The following FAF2 variants were observed in gnomAD, a reference collection of about 807,000 sequenced individuals.
FAF2 encodes Fas associated factor family member 2.
Under a neutral mutation model 62.3 loss-of-function variants are expected in FAF2, and 9 were observed. The ratio of observed to expected loss-of-function variants is 0.14; its 90% CI spans 0.09 to 0.25. FAF2 has a LOEUF of 0.25. Among genes scored for constraint, FAF2 ranks in the 10% least tolerant of loss-of-function variants. The pLI is 1.00. For synonymous variants in FAF2, 202 were observed against 198.0 expected, an observed-to-expected ratio of 1.02 and a Z score of -0.17; for missense variants, 368 against 556.2, an observed-to-expected ratio of 0.66 and a Z score of 3.40.
Position 176,494,388 on chromosome 5 carries a change from G to C in FAF2, c.661+113G>C, listed in dbSNP as rs553596428. ...GTGTTTGTTCTGTGGTAGATACGAC[G>C]CTAGTTGCTATTTTATATTGTCTCA... On this transcript the variant is annotated intron_variant, in intron 7 of 10. Coordinates refer to ENST00000261942, the MANE Select transcript of FAF2 (RefSeq NM_014613.3). This position sits in a 1 kb window ranked among gnomAD's most constrained non-coding sequence, Gnocchi z 4.0. 24 of 842,886 alleles carry C rather than the reference G, an allele frequency of 2.8e-5. No individual in the cohort carries two copies. The highest frequency in any genetic ancestry group is 4.6e-5 in the Non-Finnish European group (23 of 498,670). 52.2% of individuals were successfully genotyped at this position (842,886 alleles called of 1,614,324 possible).
intron 1 of FAF2, among the ~76,000 whole-genome samples, chr5:176,465,302 G>A (rs868058310): frequency 3.3e-5 from 5 of 151,676 alleles, no homozygotes; most frequent in African/African-American, 7.3e-5. Context: ...TTTTATATAC[G>A]TCTGTGGGCT....
chr5:176,467,504 T>A (rs1758491249), intron 1 of FAF2, among the ~76,000 whole-genome samples: 1 of 152,118 alleles, frequency 6.6e-6, no homozygotes, highest in Non-Finnish European at 1.5e-5. Context: ...GCTAACTTTT[T>A]TGTATTTATA....
chr5:176,472,515 C>T (rs1488786572), intron 1 of FAF2, among the ~76,000 whole-genome samples: 5 of 151,672 alleles, frequency 3.3e-5, no homozygotes, highest in Non-Finnish European at 5.9e-5. Context: ...ACTTCTGGGC[C>T]CAAGTGATCC....
In FAF2 at chr5:176,485,145, C is replaced by T. The variant is rs114522096; in HGVS notation, c.133-1210C>T. Among the ~76,000 whole-genome samples, 961 of 152,224 alleles carry T rather than the reference C, an allele frequency of 6.3e-3. 13 individuals carry two copies. Among genetic ancestry groups the T allele is most frequent in the African/African-American group, 0.022 (903 of 41,532 alleles). On this transcript the variant is annotated intron_variant, in intron 2 of 10. Coordinates refer to ENST00000261942, the MANE Select transcript of FAF2 (RefSeq NM_014613.3). ...AGCTTCCAATGACAGCATTCAAGTT[C>T]GGTACTATACATGGTTTCAGGAATC...
chr5:176,459,250 CTTTTTTTTTT>C (rs11386560), intron 1 of FAF2, among the ~76,000 whole-genome samples: 2 of 116,422 alleles, frequency 1.7e-5, no homozygotes, highest in African/African-American at 6.7e-5. Flanking sequence ...TCCAGTTAAC[CTTTTTTTTTT>C]TTTTTTTTTT....
At chr5:176,478,518 G>A (rs1186338294) in intron 1 of FAF2, among the ~76,000 whole-genome samples, 1 of 152,024 alleles carries the variant, frequency 6.6e-6, no homozygotes, top group African/African-American at 2.4e-5. Context: ...CGGTATGTTA[G>A]GTTTTACACA....
At chr5:176,491,871 C>G (rs1381920203) in intron 4 of FAF2, among the ~76,000 whole-genome samples, 2 of 152,194 alleles carry the variant, frequency 1.3e-5, no homozygotes, top group Non-Finnish European at 1.5e-5. Context: ...GACACATGAT[C>G]TTTTTGGATA....
intron 2 of FAF2, among the ~76,000 whole-genome samples, chr5:176,483,942 G>T (rs1478550541): frequency 6.6e-6 from 1 of 152,106 alleles, no homozygotes; most frequent in Non-Finnish European, 1.5e-5. Context: ...GTGTGTGGCG[G>T]TGCGTGCCTG....
intron 1 of FAF2, 95 bp downstream of exon 1, chr5:176,448,565 C>A: frequency 8.0e-7 from 1 of 1,242,624 alleles, no homozygotes; most frequent in Non-Finnish European, 1.1e-6. Context: ...GGTTCAGATC[C>A]TTCTCAGACC....
chr5:176,495,479 T>TA (rs1255093905), intron 7 of FAF2, among the ~76,000 whole-genome samples: 1 of 151,582 alleles, frequency 6.6e-6, no homozygotes, highest in Admixed American at 6.6e-5. Context: ...AAAACTCTGT[T>TA]ATGGTAAAAA....
intron 1 of FAF2, among the ~76,000 whole-genome samples, chr5:176,450,111 C>T (rs763977097): frequency 6.6e-6 from 1 of 152,176 alleles, no homozygotes. Flanking sequence ...GGCGAGTTCT[C>T]ACTTTTTTGC....
chr5:176,463,761 G>A (rs1758420734), intron 1 of FAF2, among the ~76,000 whole-genome samples: 1 of 139,002 alleles, frequency 7.2e-6, no homozygotes, highest in Non-Finnish European at 1.5e-5. Flanking sequence ...ACAGAGTCTT[G>A]CTGTGTTTCC....
intron 1 of FAF2, among the ~76,000 whole-genome samples, chr5:176,461,477 T>A (rs1758377050): frequency 6.6e-6 from 1 of 150,406 alleles, no homozygotes; most frequent in Non-Finnish European, 1.5e-5. Flanking sequence ...ACCACCACAC[T>A]GGGCTAATTT....
At chr5:176,471,799 C>T (rs1163705467) in intron 1 of FAF2, among the ~76,000 whole-genome samples, 1 of 151,602 alleles carries the variant, frequency 6.6e-6, no homozygotes, top group Non-Finnish European at 1.5e-5. Context: ...AAGCAGTTTT[C>T]CTGCCTCAGC....
chr5:176,458,442 C>T (rs1180353070), intron 1 of FAF2, among the ~76,000 whole-genome samples: 1 of 88,476 alleles, frequency 1.1e-5, no homozygotes, highest in Admixed American at 1.8e-4. Context: ...CGGAGTCTCA[C>T]TCTCTCACCC....
intron 2 of FAF2, among the ~76,000 whole-genome samples, chr5:176,481,669 GGAGA>G (rs1287695061): frequency 2.0e-5 from 3 of 151,442 alleles, no homozygotes; most frequent in African/African-American, 4.8e-5. Flanking sequence ...AAAAAAAAAG[GGAGA>G]GAGAGAGACA....
intron 4 of FAF2, 118 bp from the exon 5 acceptor site, chr5:176,492,076 G>C (rs1203601754): frequency 1.7e-6 from 2 of 1,161,528 alleles, no homozygotes; most frequent in Admixed American, 1.8e-5. Flanking sequence ...CTCACAGACT[G>C]TTCACCTCCC....
At chr5:176,487,228 A>G (rs1758887819) in intron 3 of FAF2, among the ~76,000 whole-genome samples, 1 of 152,200 alleles carries the variant, frequency 6.6e-6, no homozygotes, top group Non-Finnish European at 1.5e-5. Flanking sequence ...TCTGTCGCCC[A>G]GCCTGGAGTG....
intron 1 of FAF2, among the ~76,000 whole-genome samples, chr5:176,461,312 C>T (rs926796278): frequency 8.5e-5 from 6 of 70,730 alleles, no homozygotes; most frequent in South Asian, 7.2e-4. Flanking sequence ...CTGTGCCCAG[C>T]TTTTTTTTTT....
Sources: allele counts gnomAD v4.1 joint callset (sites outside exome capture counted in the v4.1 genomes callset), GRCh38; gene constraint gnomAD v4.1.1; non-coding constraint Gnocchi (gnomAD v3.1); transcripts MANE v1.5; gene names NCBI Gene and HGNC (gene_info 2026-07-23, HGNC 2026-07-21).